The following FCN2 variants were observed in gnomAD, a reference collection of about 807,000 sequenced individuals.
The protein encoded by FCN2 is ficolin 2.
Under a neutral mutation model 32.5 loss-of-function variants are expected in FCN2, and 31 were observed. That is an observed-to-expected ratio of 0.96 (90% CI 0.72 to 1.29). The LOEUF (loss-of-function observed/expected upper bound fraction) is 1.29. Among genes scored for constraint, FCN2 ranks in the 50% most tolerant of loss-of-function variants. The probability of loss-of-function intolerance (pLI) is 0.00; values close to 1 mark genes in which losing one functional copy is unlikely to be tolerated. For synonymous variants in FCN2, 181 were observed against 164.5 expected (o/e 1.10, Z -0.77); for missense variants, 412 against 406.5 (o/e 1.01, Z -0.12).
intron 1 of FCN2, 37 bp from the exon 2 acceptor site, chr9:134,882,489 C>G (rs1010339273): frequency 6.5e-7 from 1 of 1,540,566 alleles, no homozygotes; most frequent in East Asian, 2.2e-5. Flanking sequence ...TCTTCAGGCC[C>G]AGGTGACACT....
chr9:134,880,226 C>T (rs1483005728), upstream of FCN2, among the ~76,000 whole-genome samples: 1 of 152,180 alleles, frequency 6.6e-6, no homozygotes, highest in Non-Finnish European at 1.5e-5. Context: ...GTTCATGTGC[C>T]CCTGTGCTCT....
At chr9:134,886,235 G>A (rs547723445) in intron 6 of FCN2, among the ~76,000 whole-genome samples, 195 bp from the exon 7 acceptor site, 2 of 152,302 alleles carry the variant, frequency 1.3e-5, no homozygotes, top group South Asian at 2.1e-4. Context: ...GGATTTGGGA[G>A]TCAAGAGTCT....
the FCN2 span, among the ~76,000 whole-genome samples, chr9:134,875,285 C>T: frequency 6.6e-6 from 1 of 152,226 alleles, no homozygotes; most frequent in Non-Finnish European, 1.5e-5. Context: ...TTCATTCAGT[C>T]TTGTACCATT....
rs766437548 is a variant in FCN2 at position 134,885,319 on chromosome 9, C to T, written c.382C>T (p.Pro128Ser). 8.1e-6 allele frequency: 13 copies of T among 1,613,968 alleles called. No homozygotes were observed. The Admixed American group carries it at 1.2e-4, about 14-fold the overall frequency. ...CACCATCTACCTGCCCGACTGCCGG[C>T]CCCTGACTGTGCTCTGTGACATGGA... ...WHTIYLPDCR[P>S]LTVLCDMDTD... The change falls in exon 5 of 8, where the codon CCC (proline) becomes TCC (serine). Residue 128 changes from proline (P) to serine (S), a missense_variant. By Grantham distance (74) the Pro-to-Ser change is moderately conservative. Transcript: ENST00000291744.
At chr9:134,871,078 C>A in the FCN2 span, among the ~76,000 whole-genome samples, 1 of 152,290 alleles carries the variant, frequency 6.6e-6, no homozygotes, top group East Asian at 1.9e-4. Flanking sequence ...ATGCCTTGTA[C>A]TTATTGATTG....
chr9:134,865,613 A>G, the FCN2 span, among the ~76,000 whole-genome samples: 2 of 151,678 alleles, frequency 1.3e-5, no homozygotes, highest in African/African-American at 4.9e-5. Flanking sequence ...ACTTGTTCTG[A>G]CCAGTGAGCC....
the FCN2 span, among the ~76,000 whole-genome samples, chr9:134,872,272 C>T: frequency 1.7e-3 from 258 of 152,164 alleles, no homozygotes; most frequent in African/African-American, 5.9e-3. Context: ...GCTGTGTATC[C>T]GATCAGCAGA....
chr9:134,881,140 A>G (rs1830658048), intron 1 of FCN2, among the ~76,000 whole-genome samples: 1 of 152,186 alleles, frequency 6.6e-6, no homozygotes, highest in Admixed American at 6.5e-5. Context: ...TTGCCCTCCC[A>G]TAATGGAAAC....
chr9:134,873,780 T>C, the FCN2 span, among the ~76,000 whole-genome samples: 1 of 152,276 alleles, frequency 6.6e-6, no homozygotes, highest in East Asian at 1.9e-4. Context: ...CAGCTTCAAT[T>C]TGTAATAAAA....
In FCN2 at chr9:134,885,270, A is replaced by G. The variant is rs1445179684; in HGVS notation, c.333A>G (p.Arg111=). 6.2e-7 allele frequency: 1 copy of G among 1,614,074 alleles called. No homozygotes were observed. The change falls in exon 5 of 8, where the codon CGA becomes CGG. Residue 111 remains arginine (R), a synonymous_variant. Coordinates refer to ENST00000291744, the MANE Select transcript of FCN2 (RefSeq NM_004108.3). The part of the protein sequence containing the change: ...GPRTCKDLLD[R]GHFLSGWHTI... ...GTACCTGCAAGGACCTGCTAGACCG[A>G]GGGCACTTCCTGAGCGGCTGGCACA...
Position 134,887,438 on chromosome 9 carries a change from GACGCCTCCAC to G in FCN2, c.*26_*35del, listed in dbSNP as rs760726552. On this transcript the variant is annotated 3_prime_UTR_variant, in exon 8 of 8. Transcript: ENST00000291744. ...TAGCCCAGGCCGGCCTCAGGGTCAG[GACGCCTCCAC>G]ACATAGTTGGTTGGGGGGTAGGGTT... 1 of 1,612,874 alleles carries G rather than the reference GACGCCTCCAC, an allele frequency of 6.2e-7. No individual in the cohort carries two copies. Among genetic ancestry groups the G allele is most frequent in the South Asian group, 1.1e-5 (1 of 90,998 alleles).
upstream of FCN2, among the ~76,000 whole-genome samples, chr9:134,879,376 C>T (rs1247488945): frequency 2.0e-5 from 3 of 152,158 alleles, no homozygotes; most frequent in Admixed American, 2.0e-4. Context: ...TTTAAGTCAT[C>T]TAGGTTTGAA....
At chr9:134,865,830 C>T in the FCN2 span, among the ~76,000 whole-genome samples, 1 of 152,136 alleles carries the variant, frequency 6.6e-6, no homozygotes. Context: ...CACAAGCATT[C>T]TTATACACCA....
At chr9:134,880,139 C>T (rs1311621678), upstream of FCN2, among the ~76,000 whole-genome samples, 1 of 152,172 alleles carries the variant, frequency 6.6e-6, no homozygotes, top group Non-Finnish European at 1.5e-5. Context: ...CCTGCATTCA[C>T]ACTCAAGGTC....
chr9:134,867,311 TA>T, the FCN2 span, among the ~76,000 whole-genome samples: 2 of 151,464 alleles, frequency 1.3e-5, no homozygotes, highest in African/African-American at 4.9e-5. Flanking sequence ...TATGCAGCCA[TA>T]AAAAATGATG....
intron 7 of FCN2, 65 bp downstream of exon 7, chr9:134,886,629 G>A (rs938416837): frequency 3.5e-5 from 55 of 1,580,668 alleles, no homozygotes; most frequent in Admixed American, 2.5e-4. Context: ...TGGAGAGAGC[G>A]TGCTCAGTGT....
the FCN2 span, among the ~76,000 whole-genome samples, chr9:134,866,578 G>A: frequency 2.7e-5 from 4 of 150,292 alleles, no homozygotes; most frequent in African/African-American, 9.7e-5. Flanking sequence ...CATAGGCATG[G>A]GCAAGGACTT....
the FCN2 span, among the ~76,000 whole-genome samples, chr9:134,873,924 TTTTTG>T: frequency 6.2e-5 from 7 of 112,474 alleles, no homozygotes; most frequent in Non-Finnish European, 7.7e-5. Flanking sequence ...TGTTTTTTGT[TTTTTG>T]ATATAGGATC....
the FCN2 span, among the ~76,000 whole-genome samples, chr9:134,871,129 G>A: frequency 6.6e-6 from 1 of 152,178 alleles, no homozygotes; most frequent in Non-Finnish European, 1.5e-5. Context: ...GAGTGGGCAG[G>A]CCTGGGTTTT....
Sources: gnomAD v4.1 joint callset for allele counts (sites outside exome capture counted in the v4.1 genomes callset) on GRCh38, gnomAD v4.1.1 for gene constraint, MANE v1.5 for transcripts, NCBI Gene and HGNC (gene_info 2026-07-23, HGNC 2026-07-21) for gene names.